TMEM120B: variants seen among roughly 807,000 people sequenced by gnomAD.
The protein encoded by TMEM120B is transmembrane protein 120B.
Under a neutral mutation model 55.5 loss-of-function variants are expected in TMEM120B, and 31 were observed. The observed-to-expected ratio is 0.56, with a 90% CI of 0.42 to 0.75. The LOEUF (loss-of-function observed/expected upper bound fraction) is 0.75, where lower values mean the gene tolerates loss of function less well. Among genes scored for constraint, TMEM120B ranks in the 30% least tolerant of loss-of-function variants. The pLI is 0.00. For missense variants in TMEM120B, 399 were observed against 425.5 expected (o/e 0.94, Z 0.55); for synonymous variants, 203 against 176.3 (o/e 1.15, Z -1.20).
chr12:121,716,649 G>A (rs758333205), intron 1 of TMEM120B, among the ~76,000 whole-genome samples: 69 of 133,040 alleles, frequency 5.2e-4, no homozygotes, highest in Non-Finnish European at 8.3e-4. Context: ...TGCAACCTTT[G>A]CCTCCCGGGT....
intron 4 of TMEM120B, among the ~76,000 whole-genome samples, chr12:121,750,857 CA>C (rs1873274301): frequency 7.5e-6 from 1 of 132,568 alleles, no homozygotes; most frequent in Non-Finnish European, 1.6e-5. Context: ...ACCCCATACC[CA>C]CACCCCACAC....
chr12:121,752,281 G>A (rs975216603), intron 5 of TMEM120B, 58 bp downstream of exon 5: 10 of 1,441,780 alleles, frequency 6.9e-6, no homozygotes, highest in East Asian at 4.6e-5. Context: ...GGTGGGGGCC[G>A]GGAGAGAGGG....
intron 1 of TMEM120B, among the ~76,000 whole-genome samples, chr12:121,724,030 C>CTTTTTTTT (rs56972824): frequency 2.9e-4 from 22 of 76,000 alleles, no homozygotes; most frequent in Non-Finnish European, 3.8e-4. Context: ...TCAAGTGATC[C>CTTTTTTTT]TTTTTTTTTT....
At chr12:121,722,401 T>G (rs1348385813) in intron 1 of TMEM120B, among the ~76,000 whole-genome samples, 1 of 152,188 alleles carries the variant, frequency 6.6e-6, no homozygotes, top group East Asian at 1.9e-4. Context: ...CCGGCCTCCA[T>G]TCTACATTTT....
Position 121,779,478 on chromosome 12 carries a change from T to C in TMEM120B, c.*3756T>C, listed in dbSNP as rs1874361641. ...CCCCCGGGCCCTGTCAGTGCTGTCGTGAGGTCTGTCTGCCCTGGGTCAGAG... is the reference window on the plus strand; with the variant it reads ...CCCCCGGGCCCTGTCAGTGCTGTCGCGAGGTCTGTCTGCCCTGGGTCAGAG... On this transcript the variant is annotated 3_prime_UTR_variant, in exon 12 of 12. Coordinates refer to ENST00000449592, the MANE Select transcript of TMEM120B (RefSeq NM_001080825.2). The C allele has an allele frequency of 6.2e-7, 1 of 1,608,750 alleles. No homozygotes were observed. The highest frequency in any genetic ancestry group is 1.3e-5 in the African/African-American group (1 of 74,918).
chr12:121,719,391 C>G (rs1894755163), intron 1 of TMEM120B, among the ~76,000 whole-genome samples: 8 of 152,074 alleles, frequency 5.3e-5, no homozygotes, highest in Admixed American at 5.2e-4. Flanking sequence ...TTGAGACCAG[C>G]CTGGGCAATG....
intron 1 of TMEM120B, among the ~76,000 whole-genome samples, chr12:121,716,310 A>T (rs1353692281): frequency 9.8e-5 from 10 of 101,840 alleles, no homozygotes; most frequent in Admixed American, 4.4e-4. Flanking sequence ...CCTCTCTCTC[A>T]AAAAAAAAAA....
chr12:121,738,534 C>A (rs1208059600), intron 1 of TMEM120B, among the ~76,000 whole-genome samples: 1 of 152,150 alleles, frequency 6.6e-6, no homozygotes, highest in African/African-American at 2.4e-5. Context: ...GATCTCTCCA[C>A]CTCTGTCCTC....
intron 6 of TMEM120B, among the ~76,000 whole-genome samples, chr12:121,769,143 C>CAAAA (rs34286143): frequency 1.1e-5 from 1 of 88,990 alleles, no homozygotes; most frequent in Non-Finnish European, 2.4e-5. Context: ...AAGACTGTCT[C>CAAAA]AAAAAAAAAA....
rs71305665 is a variant in TMEM120B at position 121,726,907 on chromosome 12, C to CAAAAAAAAAAA, written c.69+13962_69+13972dup. 8.1e-5 allele frequency among the ~76,000 whole-genome samples: 6 copies of CAAAAAAAAAAA among 73,718 alleles called. No individual in the cohort carries two copies. In the East Asian group the frequency reaches 1.2e-3, roughly 15 times the overall value. 48.4% of individuals were successfully genotyped at this position (73,718 alleles called of 152,430 possible). On this transcript the variant is annotated intron_variant, in intron 1 of 11. Transcript: ENST00000449592. ...TGGGCAACAGAGTGGGACTCTGTCT[C>CAAAAAAAAAAA]AAAAAAAAAAAAAAAAAAAAAAAAA...
intron 7 of TMEM120B, 52 bp from the exon 8 acceptor site, chr12:121,771,436 T>C (rs1874049654): frequency 6.8e-7 from 1 of 1,479,238 alleles, no homozygotes; most frequent in South Asian, 1.1e-5. Flanking sequence ...CGGGGAGGAA[T>C]GTCTCATTTC....
intron 1 of TMEM120B, among the ~76,000 whole-genome samples, chr12:121,731,196 G>C (rs1446258704): frequency 2.6e-5 from 4 of 152,186 alleles, no homozygotes; most frequent in African/African-American, 9.6e-5. Flanking sequence ...GTGGTCCTAT[G>C]AGATTATGAT....
At chr12:121,723,191 G>A (rs1210379868) in intron 1 of TMEM120B, among the ~76,000 whole-genome samples, 1 of 151,928 alleles carries the variant, frequency 6.6e-6, no homozygotes, top group Admixed American at 6.6e-5. Context: ...AAGAGAGAGG[G>A]GGGTCTAACT....
chr12:121,719,618 G>A (rs1894758889), intron 1 of TMEM120B, among the ~76,000 whole-genome samples: 1 of 152,220 alleles, frequency 6.6e-6, no homozygotes, highest in South Asian at 2.1e-4. Context: ...GGAAACAGTG[G>A]CATCGATTGG....
chr12:121,768,812 T>TG (rs199967353), intron 6 of TMEM120B, among the ~76,000 whole-genome samples: 3 of 151,062 alleles, frequency 2.0e-5, no homozygotes, highest in Middle Eastern at 3.4e-3. Flanking sequence ...ATGCTGGGGG[T>TG]GGGGGGTGAC....
intron 8 of TMEM120B, among the ~76,000 whole-genome samples, chr12:121,771,752 C>T (rs1874061049): frequency 6.6e-6 from 1 of 152,174 alleles, no homozygotes; most frequent in Non-Finnish European, 1.5e-5. Flanking sequence ...GCACTGCCTG[C>T]TCCTTCCCCA....
intron 2 of TMEM120B, among the ~76,000 whole-genome samples, chr12:121,746,613 G>A (rs1012010996): frequency 9.2e-5 from 14 of 152,224 alleles, no homozygotes; most frequent in South Asian, 2.1e-4. Flanking sequence ...GATCATAGGC[G>A]TATGTGCTGG....
At chr12:121,750,520 A>C in intron 4 of TMEM120B, 81 bp downstream of exon 4, 1 of 1,094,208 alleles carries the variant, frequency 9.1e-7, no homozygotes, top group Admixed American at 2.0e-5. Flanking sequence ...CCCCACACTG[A>C]GAACCCACAC....
chr12:121,742,295 GC>G (rs763514019), intron 1 of TMEM120B, among the ~76,000 whole-genome samples: 2 of 151,122 alleles, frequency 1.3e-5, no homozygotes, highest in Non-Finnish European at 1.5e-5. Flanking sequence ...GAGCCACCGT[GC>G]CCGGCCTGAC....
Sources: allele counts gnomAD v4.1 joint callset (sites outside exome capture counted in the v4.1 genomes callset), GRCh38; gene constraint gnomAD v4.1.1; transcripts MANE v1.5; gene names NCBI Gene and HGNC (gene_info 2026-07-23, HGNC 2026-07-21).